The following AGAP4 variants were observed in gnomAD, a reference collection of about 807,000 sequenced individuals.
AGAP4 encodes the protein arf-GAP with GTPase, ANK repeat and PH domain-containing protein 4.
Under a neutral mutation model 60.7 loss-of-function variants are expected in AGAP4, and 13 were observed. The ratio of observed to expected loss-of-function variants is 0.21; its 90% CI spans 0.14 to 0.34. The LOEUF (loss-of-function observed/expected upper bound fraction) is 0.34. Ranked by LOEUF, AGAP4 falls within the 10% of genes least tolerant of loss-of-function variation. The probability of loss-of-function intolerance (pLI) is 1.00; values close to 1 mark genes in which losing one functional copy is unlikely to be tolerated. For missense variants in AGAP4, 169 were observed against 884.0 expected (o/e 0.19, Z 10.26); for synonymous variants, 70 against 339.0 (o/e 0.21, Z 8.72).
chr10:45,851,381 G>C (rs1406827342), upstream of AGAP4, among the ~76,000 whole-genome samples: 2 of 152,000 alleles, frequency 1.3e-5, no homozygotes, highest in Admixed American at 1.3e-4. Context: ...CTAGCACAGT[G>C]CCTGTTCAAT....
chr10:45,850,935 A>C (rs1470321023), upstream of AGAP4, among the ~76,000 whole-genome samples: 1 of 152,134 alleles, frequency 6.6e-6, no homozygotes, highest in African/African-American at 2.4e-5. Context: ...TTCAAAAATA[A>C]CATACATACT....
chr10:45,837,800 C>A (rs1440004206), intron 4 of AGAP4, among the ~76,000 whole-genome samples: 1 of 151,050 alleles, frequency 6.6e-6, no homozygotes, highest in Non-Finnish European at 1.5e-5. Flanking sequence ...CGTCTAGACG[C>A]TGGCTTAGGC....
At position 45,847,419 on chromosome 10, in the gene AGAP4, G is replaced by C. The variant is rs2059018273; in HGVS notation, c.-72C>G. The C allele has an allele frequency of 3.9e-6, 6 of 1,543,680 alleles. No homozygotes were observed. Among genetic ancestry groups the C allele is most frequent in the Non-Finnish European group, 5.2e-6 (6 of 1,151,308 alleles). ...TTGGCCACGCACTCCCGCTGTCCTA[G>C]GCCGAGGCTATGCTGCACTTGCAGA... On this transcript the variant is annotated 5_prime_UTR_variant, in exon 1 of 8. Transcript: ENST00000616763.
At chr10:45,847,648 A>G, upstream of AGAP4, 1 of 1,367,002 alleles carries the variant, frequency 7.3e-7, no homozygotes, top group East Asian at 2.9e-5. Context: ...GAGAGACACA[A>G]CAACTGCCTG....
chr10:45,850,632 A>T (rs2059071919), upstream of AGAP4, among the ~76,000 whole-genome samples: 1 of 152,280 alleles, frequency 6.6e-6, no homozygotes, highest in South Asian at 2.1e-4. Context: ...TGGCAGTGAC[A>T]AAAGCGGAGG....
rs2058982937 is a variant in AGAP4, at chr10:45,845,452, C to T, written c.293-1058G>A. On this transcript the variant is annotated intron_variant, in intron 2 of 7. Coordinates refer to ENST00000616763, the MANE Select transcript of AGAP4 (RefSeq NM_001276343.3). Reference sequence around the variant, plus strand: ...TATTTTGAAAATTTCAGTTTTTATTCAAGAACCATATTATTACCCAGAATT... The same window carrying T: ...TATTTTGAAAATTTCAGTTTTTATTTAAGAACCATATTATTACCCAGAATT... Among the ~76,000 whole-genome samples, 8 of 106,478 alleles carry T rather than the reference C, an allele frequency of 7.5e-5. 1 individual carries two copies. Among genetic ancestry groups the T allele is most frequent in the Admixed American group, 6.7e-4 (8 of 11,866 alleles). 69.9% of individuals were successfully genotyped at this position (106,478 alleles called of 152,430 possible). A position where few individuals can be genotyped will look rare whatever the true frequency, so the allele number is the denominator to read the frequency against.
At chr10:45,828,380 G>A (rs1356210558) in intron 6 of AGAP4, among the ~76,000 whole-genome samples, 1 of 149,980 alleles carries the variant, frequency 6.7e-6, no homozygotes, top group Admixed American at 6.7e-5. Context: ...ACCACACATT[G>A]AAACACAAGA....
upstream of AGAP4, among the ~76,000 whole-genome samples, chr10:45,852,319 C>T (rs1554900561): frequency 1.5e-5 from 2 of 132,204 alleles, no homozygotes; most frequent in Admixed American, 7.3e-5. Context: ...AAGCCTGATA[C>T]ACTAAACAAA....
chr10:45,849,422 G>A (rs1232530994), upstream of AGAP4, among the ~76,000 whole-genome samples: 1 of 151,184 alleles, frequency 6.6e-6, no homozygotes, highest in South Asian at 2.1e-4. Flanking sequence ...AGAAAGTAAA[G>A]GTAGAAGTCA....
At chr10:45,844,279 A>G in intron 3 of AGAP4, 47 bp downstream of exon 3, 1 of 1,593,248 alleles carries the variant, frequency 6.3e-7, no homozygotes, top group Admixed American at 1.7e-5. Context: ...CTGATCAAAC[A>G]AGAGCTTTTA....
chr10:45,851,345 TC>T (rs1357707583), upstream of AGAP4, among the ~76,000 whole-genome samples: 2 of 152,010 alleles, frequency 1.3e-5, no homozygotes, highest in Non-Finnish European at 2.9e-5. Context: ...GATGATGCCT[TC>T]TTTTCATATC....
chr10:45,827,301 G>T lies in AGAP4; in HGVS notation c.675C>A (p.Ser225Arg). 2 of 1,585,168 alleles carry T rather than the reference G, an allele frequency of 1.3e-6. No homozygotes were observed. The highest frequency in any genetic ancestry group is 1.7e-6 in the Non-Finnish European group (2 of 1,167,754). Residue 225 changes from serine (S) to arginine (R), a missense_variant, in exon 8 of 8, where the codon AGC (serine) becomes AGA (arginine). Physicochemically the swap from Ser to Arg is moderately radical, Grantham distance 110. Transcript: ENST00000616763. ...GAACACTGAACTGAGGGTCCTCCTG[G>T]CTGGTGCTGGGAGTCGATGGAATGG... ...SSSIPSTPST[S>R]QEDPQFSVPP...
At position 45,826,820 on chromosome 10, in the gene AGAP4, T is replaced by A; in HGVS notation, c.1156A>T (p.Ser386Cys). The change falls in exon 8 of 8, where the codon AGC (serine) becomes TGC (cysteine). Residue 386 changes from serine to cysteine, a missense_variant. Coordinates refer to ENST00000616763, the MANE Select transcript of AGAP4 (RefSeq NM_001276343.3). Reference sequence around the variant, plus strand: ...GAGGGGGGCGGGTTGAGCTTGGGGCTGGTGGTGCTGGAGATACTGGGGCTG... The same window carrying A: ...GAGGGGGGCGGGTTGAGCTTGGGGCAGGTGGTGCTGGAGATACTGGGGCTG... ...CFSPSISSTT[S>C]PKLNPPPSPH... 1 of 1,515,258 alleles carries A rather than the reference T, an allele frequency of 6.6e-7. No homozygotes were observed. Among genetic ancestry groups the A allele is most frequent in the Non-Finnish European group, 9.0e-7 (1 of 1,110,274 alleles). The allele number at this position is 1,515,258 out of a possible 1,614,324, so 93.9% of individuals were successfully genotyped here. A position where few individuals can be genotyped will look rare whatever the true frequency, so the allele number is the denominator to read the frequency against.
chr10:45,850,626 A>C (rs2059071837), upstream of AGAP4, among the ~76,000 whole-genome samples: 1 of 152,258 alleles, frequency 6.6e-6, no homozygotes, highest in Non-Finnish European at 1.5e-5. Context: ...GGGCAGTGGC[A>C]GTGACAAAAG....
chr10:45,854,633 CAAAAAAAAAAAAAAA>C (rs1159986731), upstream of AGAP4: 1 of 66,270 alleles, frequency 1.5e-5, no homozygotes, highest in Non-Finnish European at 2.7e-5. Context: ...GACTCCCTCT[CAAAAAAAAAAAAAAA>C]AAAAAAAAAA....
At chr10:45,851,106 C>G (rs1161884325), upstream of AGAP4, among the ~76,000 whole-genome samples, 1 of 151,850 alleles carries the variant, frequency 6.6e-6, no homozygotes, top group East Asian at 1.9e-4. Context: ...AAAAAAAAGC[C>G]ATTTAAAATT....
At chr10:45,840,126 A>C (rs2135950919) in intron 4 of AGAP4, among the ~76,000 whole-genome samples, 1 of 148,814 alleles carries the variant, frequency 6.7e-6, no homozygotes, top group Non-Finnish European at 1.5e-5. Flanking sequence ...GCTGTTATAA[A>C]ATTTCAGAAC....
upstream of AGAP4, chr10:45,847,511 C>T (rs2059019973): frequency 6.6e-7 from 1 of 1,515,380 alleles, no homozygotes; most frequent in East Asian, 2.4e-5. Flanking sequence ...CTGGCCCTGG[C>T]CCTGGCCCCG....
chr10:45,831,302 CT>C, intron 6 of AGAP4, 91 bp downstream of exon 6: 1 of 1,470,438 alleles, frequency 6.8e-7, no homozygotes, highest in Non-Finnish European at 9.3e-7. Context: ...CACAATACAG[CT>C]TATGATGTCT....
Sources: gnomAD v4.1 joint callset for allele counts (sites outside exome capture counted in the v4.1 genomes callset) on GRCh38, gnomAD v4.1.1 for gene constraint, MANE v1.5 for transcripts, NCBI Gene and HGNC (gene_info 2026-07-23, HGNC 2026-07-21) for gene names.